Variants in ABCD2 observed in about 807,000 individuals in gnomAD.
ABCD2 encodes ATP binding cassette subfamily D member 2, also known as ATP-binding cassette sub-family D member 2.
ABCD2 carries 36 observed loss-of-function variants against 70.9 expected under a neutral mutation model. The observed-to-expected ratio is 0.51, with a 90% confidence interval of 0.39 to 0.67. ABCD2 has a LOEUF of 0.67. Among genes scored for constraint, ABCD2 ranks in the 30% least tolerant of loss-of-function variants. ABCD2 has a pLI of 0.00. For synonymous variants in ABCD2, 304 were observed against 306.9 expected (o/e 0.99, Z 0.10); for missense variants, 729 against 890.2 (o/e 0.82, Z 2.30).
chr12:39,539,323 GC>G, the ABCD2 span, among the ~76,000 whole-genome samples: 162 of 152,248 alleles, frequency 1.1e-3, no homozygotes, highest in Middle Eastern at 3.4e-3. Context: ...AGGAGCTTTT[GC>G]CAGGGTCAAG....
chr12:39,610,065 G>A (rs1007469072), intron 2 of ABCD2, among the ~76,000 whole-genome samples: 1 of 152,156 alleles, frequency 6.6e-6, no homozygotes, highest in Admixed American at 6.5e-5. Context: ...TGGAGGAGTA[G>A]ATTTTGAGAG....
At chr12:39,560,199 C>T (rs549364224) in intron 9 of ABCD2, among the ~76,000 whole-genome samples, 1 of 152,214 alleles carries the variant, frequency 6.6e-6, no homozygotes, top group Non-Finnish European at 1.5e-5. Context: ...TGTGATGTTC[C>T]CCTTCCTGTG....
chr12:39,569,057 T>C (rs1014379883), intron 9 of ABCD2, among the ~76,000 whole-genome samples: 3 of 152,186 alleles, frequency 2.0e-5, no homozygotes, highest in African/African-American at 7.2e-5. Context: ...GCATCCCAGT[T>C]AGGCTACTTG....
chr12:39,570,497 C>T (rs1229764253), intron 9 of ABCD2, among the ~76,000 whole-genome samples: 1 of 152,138 alleles, frequency 6.6e-6, no homozygotes, highest in Admixed American at 6.5e-5. Context: ...AGGGCAGTAT[C>T]CTCAATAAAT....
chr12:39,617,413 T>C (rs1942131291), intron 1 of ABCD2, among the ~76,000 whole-genome samples: 1 of 152,096 alleles, frequency 6.6e-6, no homozygotes, highest in Admixed American at 6.6e-5. Context: ...ATTTTATGTA[T>C]GAGATGTTAA....
intron 9 of ABCD2, among the ~76,000 whole-genome samples, chr12:39,565,435 G>C (rs1040538791): frequency 1.3e-5 from 2 of 152,098 alleles, no homozygotes; most frequent in African/African-American, 2.4e-5. Flanking sequence ...CTGTTTGTCT[G>C]TTATTGGTGT....
Position 39,559,149 on chromosome 12 carries a change from G to T in ABCD2, c.2004-5018C>A, listed in dbSNP as rs112532944. 4.7e-3 allele frequency among the ~76,000 whole-genome samples: 714 copies of T among 152,074 alleles called. 8 individuals are homozygous for T. Among genetic ancestry groups the T allele is most frequent in the African/African-American group, 0.016 (677 of 41,488 alleles). The stretch of plus-strand genomic sequence containing the variant: ...TCACTTCGGGAGGCTGAGGTGGGTG[G>T]ATAATGTGAGGTCAGGAGTTCAAGA... On this transcript the variant is annotated intron_variant, in intron 9 of 9. Coordinates refer to ENST00000308666, the MANE Select transcript of ABCD2 (RefSeq NM_005164.4).
At position 39,567,077 on chromosome 12, in the gene ABCD2, T is replaced by C. The variant is rs185656296; in HGVS notation, c.2003+6639A>G. 5.9e-5 allele frequency among the ~76,000 whole-genome samples: 9 copies of C among 152,228 alleles called. No homozygotes were observed. The East Asian group carries it at 9.7e-4, about 16-fold the overall frequency. ...TATGTGGTCAATTTTGGAATAGGTG[T>C]GGTGTGGTGCTTAGAAGAATGTATA... On this transcript the variant is annotated intron_variant, in intron 9 of 9. Coordinates refer to ENST00000308666, the MANE Select transcript of ABCD2 (RefSeq NM_005164.4).
In ABCD2 at chr12:39,551,173, C is replaced by T. The variant is rs146250819; in HGVS notation, c.*2739G>A. On this transcript the variant is annotated 3_prime_UTR_variant, in exon 10 of 10. Coordinates refer to ENST00000308666, the MANE Select transcript of ABCD2 (RefSeq NM_005164.4). ...CAAACTGTTTTAGACTCATGCTTGGCATAACATTACATGCTGTAGAAATAT... is the reference window on the plus strand; with the variant it reads ...CAAACTGTTTTAGACTCATGCTTGGTATAACATTACATGCTGTAGAAATAT... 8 of 151,752 alleles carry T rather than the reference C, an allele frequency of 5.3e-5. No homozygotes were observed. The highest frequency in any genetic ancestry group is 1.9e-4 in the African/African-American group (8 of 41,544). The allele number at this position is 151,752 out of a possible 1,614,324, so 9.4% of individuals were successfully genotyped here. A position where few individuals can be genotyped will look rare whatever the true frequency, so the allele number is the denominator to read the frequency against.
the ABCD2 span, among the ~76,000 whole-genome samples, chr12:39,541,343 G>A: frequency 1.3e-5 from 2 of 152,114 alleles, no homozygotes; most frequent in African/African-American, 4.8e-5. Context: ...AGAAAGAACT[G>A]CAATCTGAAG....
At chr12:39,577,458 G>A (rs780462982) in intron 8 of ABCD2, among the ~76,000 whole-genome samples, 13 of 152,050 alleles carry the variant, frequency 8.5e-5, no homozygotes, top group African/African-American at 3.1e-4. Context: ...AACATTCTAC[G>A]GGACAATTAA....
downstream of ABCD2, among the ~76,000 whole-genome samples, chr12:39,546,170 T>G (rs531118472): frequency 5.9e-5 from 9 of 152,316 alleles, no homozygotes; most frequent in East Asian, 1.2e-3. Context: ...CATTATAATT[T>G]TACCTAATAA....
intron 6 of ABCD2, among the ~76,000 whole-genome samples, chr12:39,587,209 G>A (rs531752716): frequency 7.2e-5 from 11 of 152,252 alleles, no homozygotes; most frequent in African/African-American, 2.2e-4. Context: ...TAGTACATCC[G>A]CTAAGCAGCT....
Position 39,606,282 on chromosome 12 carries a change from C to A in ABCD2, c.1236+1317G>T, listed in dbSNP as rs115434883. Reference sequence around the variant, plus strand: ...ACAAGACAGGGAATTTGTCTTAGAACCCTAACTCTACAAAGGAAACTTGGT... The same window carrying A: ...ACAAGACAGGGAATTTGTCTTAGAAACCTAACTCTACAAAGGAAACTTGGT... On this transcript the variant is annotated intron_variant, in intron 3 of 9. Coordinates refer to ENST00000308666, the MANE Select transcript of ABCD2 (RefSeq NM_005164.4). Among the ~76,000 whole-genome samples the A allele has an allele frequency of 8.5e-3, 1,292 of 152,214 alleles. 27 individuals are homozygous for A. Among genetic ancestry groups the A allele is most frequent in the African/African-American group, 0.029 (1,224 of 41,538 alleles).
At chr12:39,592,708 C>T (rs139356407) in intron 6 of ABCD2, among the ~76,000 whole-genome samples, 27 of 152,280 alleles carry the variant, frequency 1.8e-4, no homozygotes, top group African/African-American at 6.0e-4. Context: ...ACATCACATT[C>T]CTCCTTTATT....
At chr12:39,560,534 A>G (rs1226391298) in intron 9 of ABCD2, among the ~76,000 whole-genome samples, 1 of 152,216 alleles carries the variant, frequency 6.6e-6, no homozygotes, top group Admixed American at 6.5e-5. Context: ...TAAAGTATAT[A>G]CAATATAAAA....
Position 39,579,536 on chromosome 12 carries a change from T to C in ABCD2, c.1876A>G (p.Lys626Glu). The C allele has an allele frequency of 6.2e-7, 1 of 1,611,108 alleles. No homozygotes were observed. The highest frequency in any genetic ancestry group is 1.1e-5 in the South Asian group (1 of 90,826). The change falls in exon 8 of 10, where the codon AAA (lysine) becomes GAA (glutamate). Residue 626 changes from lysine to glutamate, a missense_variant and splice_region_variant. By Grantham distance (56) the Lys-to-Glu change is moderately conservative (BLOSUM62 1). Around this residue, in one of 3 missense-constraint regions of ABCD2, gnomAD observed 289 missense variants for 328.8 expected, o/e 0.88. Coordinates refer to ENST00000308666, the MANE Select transcript of ABCD2 (RefSeq NM_005164.4). ...GTTACCTGAATTTAGTATACTTACTTATGATAAAACATACGAGCCATGCCC... is the reference window on the plus strand; with the variant it reads ...GTTACCTGAATTTAGTATACTTACTCATGATAAAACATACGAGCCATGCCC... ...RMGMARMFYH[K>E]PKYALLDECT...
At chr12:39,570,041 T>A (rs1326691023) in intron 9 of ABCD2, among the ~76,000 whole-genome samples, 1 of 152,218 alleles carries the variant, frequency 6.6e-6, no homozygotes, top group Non-Finnish European at 1.5e-5. Context: ...GTGTAAGGTC[T>A]CTACAATGAA....
chr12:39,619,119 T>A lies in ABCD2; in HGVS notation c.497A>T (p.Tyr166Phe). 6 of 1,614,226 alleles carry A rather than the reference T, an allele frequency of 3.7e-6. No homozygotes were observed. Among genetic ancestry groups the A allele is most frequent in the Non-Finnish European group, 5.1e-6 (6 of 1,180,040 alleles). ...PATFVNSAIRYLECKLALAFR... is the reference protein window; with the variant it reads ...PATFVNSAIRFLECKLALAFR... ...GGCCAAAGCCAATTTGCATTCCAGG[T>A]ACCTTATTGCACTGTTGACGAAGGT... The change falls in exon 1 of 10, where the codon TAC (tyrosine) becomes TTC (phenylalanine). Residue 166 changes from tyrosine (Y) to phenylalanine (F), a missense_variant. Coordinates refer to ENST00000308666, the MANE Select transcript of ABCD2 (RefSeq NM_005164.4).
Sources: allele counts gnomAD v4.1 joint callset (sites outside exome capture counted in the v4.1 genomes callset), GRCh38; gene constraint gnomAD v4.1.1; regional missense constraint gnomAD v4.1.1; transcripts MANE v1.5; gene names NCBI Gene and HGNC (gene_info 2026-07-23, HGNC 2026-07-21).